PDLIM7: variants seen among roughly 807,000 people sequenced by gnomAD.
PDLIM7 encodes the protein PDZ and LIM domain protein 7.
In PDLIM7, 37 loss-of-function variants were observed where a neutral mutation model predicts 53.9. That is an observed-to-expected ratio of 0.69 (90% CI 0.53 to 0.90). PDLIM7 has a LOEUF of 0.90. PDLIM7 is among the 40% of genes least tolerant of loss of function. PDLIM7 has a pLI of 0.00. For synonymous variants in PDLIM7, 300 were observed against 261.3 expected (o/e 1.15, Z -1.43); for missense variants, 617 against 638.5 (o/e 0.97, Z 0.36).
rs546561495 is a variant in PDLIM7 at position 177,490,350 on chromosome 5, G to A, written c.573-518C>T. 1.0e-4 allele frequency: 151 copies of A among 1,452,130 alleles called. 1 individual carries two copies. The African/African-American group carries it at 1.7e-3, about 16-fold the overall frequency. The allele number at this position is 1,452,130 out of a possible 1,614,324, so 90.0% of individuals were successfully genotyped here. ...CAGTGTCAGATGAACCCAGGTGGGC[G>A]GCCAGGGCCAGGCCAGCAGGAGGCT... is the stretch of plus-strand genomic sequence containing the variant. On this transcript the variant is annotated intron_variant, in intron 7 of 12. Coordinates refer to ENST00000355841, the MANE Select transcript of PDLIM7 (RefSeq NM_005451.5).
chr5:177,491,060 C>T lies in PDLIM7; in HGVS notation c.485G>A (p.Gly162Asp). The change falls in exon 6 of 13, where the codon GGC (glycine) becomes GAC (aspartate). Residue 162 changes from glycine to aspartate, a missense_variant. Physicochemically the swap from Gly to Asp is moderately conservative, Grantham distance 94. Transcript: ENST00000355841. ...AAGGATGCGGAAGGAACGCGACTGG[C>T]CTGTCCCCGGCCGCGGCCGCCAGTC... The part of the protein sequence containing the change: ...TEDWRPRPGT[G>D]QSRSFRILAH... 1 of 1,611,492 alleles carries T rather than the reference C, an allele frequency of 6.2e-7. No homozygotes were observed. Among genetic ancestry groups the T allele is most frequent in the Non-Finnish European group, 8.5e-7 (1 of 1,179,054 alleles).
intron 7 of PDLIM7, chr5:177,490,390 GA>G: frequency 1.3e-6 from 2 of 1,483,164 alleles, no homozygotes; most frequent in East Asian, 4.9e-5. Flanking sequence ...CCAGGGGCAC[GA>G]AAGGGGGGGT....
rs776533799 is a variant in PDLIM7 at position 177,491,149 on chromosome 5, G to A, written c.399-3C>T. ...GGACCAGCGGTCGGAGCGGCTGTCT[G>A]TGGGGAGGGTGTGGCTCAGAACCCC... On this transcript the variant is annotated splice_polypyrimidine_tract_variant and splice_region_variant and intron_variant, in intron 5 of 12. Transcript: ENST00000355841. 21 of 1,602,812 alleles carry A rather than the reference G, an allele frequency of 1.3e-5. No individual in the cohort carries two copies. Among genetic ancestry groups the A allele is most frequent in the Middle Eastern group, 1.7e-4 (1 of 5,950 alleles).
At chr5:177,484,632 T>G (rs1554105547) in intron 10 of PDLIM7, among the ~76,000 whole-genome samples, 2 of 152,230 alleles carry the variant, frequency 1.3e-5, no homozygotes, top group Non-Finnish European at 2.9e-5. Context: ...TGGGACCACA[T>G]AACAACTGGC....
chr5:177,491,141 G>C lies in PDLIM7; in HGVS notation c.404C>G (p.Pro135Arg). 6.2e-7 allele frequency: 1 copy of C among 1,606,932 alleles called. No homozygotes were observed. The highest frequency in any genetic ancestry group is 8.5e-7 in the Non-Finnish European group (1 of 1,176,508). ...GGCATCTGGGACCAGCGGTCGGAGC[G>C]GCTGTCTGTGGGGAGGGTGTGGCTC... ...ADSAPQQNGQ[P>R]LRPLVPDASK... is the part of the protein sequence containing the mutation. The change falls in exon 6 of 13, where the codon CCG becomes CGG. Residue 135 changes from proline (P) to arginine (R), a missense_variant. Pro to Arg is a moderately radical substitution (Grantham distance 103, BLOSUM62 -2). Transcript: ENST00000355841.
rs546201291 is a variant in PDLIM7, at chr5:177,490,043, G to A, written c.573-211C>T. 2.0e-6 allele frequency: 3 copies of A among 1,532,878 alleles called. No homozygotes were observed. The South Asian group carries it at 3.6e-5, about 18-fold the overall frequency. The allele number at this position is 1,532,878 out of a possible 1,614,324, so 95.0% of individuals were successfully genotyped here. ...TGTGCGGTCTCTAGCTGGGAGACGA[G>A]GCAGGGCTCCCGCTTCTGAGGCAGC... is the stretch of plus-strand genomic sequence containing the variant. On this transcript the variant is annotated intron_variant, in intron 7 of 12. Transcript: ENST00000355841.
chr5:177,494,817 GACGTT>G (rs1383817633), intron 2 of PDLIM7, among the ~76,000 whole-genome samples: 1 of 152,130 alleles, frequency 6.6e-6, no homozygotes, highest in Non-Finnish European at 1.5e-5. Flanking sequence ...CCCAGTCCCA[GACGTT>G]ACCTCATCTC....
At chr5:177,495,167 G>C (rs767012138) in intron 2 of PDLIM7, 1 of 152,400 alleles carries the variant, frequency 6.6e-6, no homozygotes, top group Non-Finnish European at 1.5e-5. Flanking sequence ...TGAGGGCTAT[G>C]TAGTGGGACG....
At position 177,484,411 on chromosome 5, in the gene PDLIM7, C is replaced by T. The variant is rs376260009; in HGVS notation, c.1051-221G>A. ...CATGTCCAGCACTCAGTTCCTGATT[C>T]CCTCACCCCAAACCTCTCCTCCCAC... is the stretch of plus-strand genomic sequence containing the variant. On this transcript the variant is annotated intron_variant, in intron 10 of 12. Transcript: ENST00000355841. The T allele has an allele frequency of 2.5e-5, 14 of 555,790 alleles. No homozygotes were observed. In the East Asian group the frequency reaches 3.4e-4, roughly 14 times the overall value. The allele number at this position is 555,790 out of a possible 1,614,324, so 34.4% of individuals were successfully genotyped here. A position where few individuals can be genotyped will look rare whatever the true frequency, so the allele number is the denominator to read the frequency against.
chr5:177,490,987 CCCT>C lies in PDLIM7; in HGVS notation c.535+20_535+22del. ...CTGGGCTGGGGGCGAGGAAAGTACC[CCCT>C]GCCCTGGGCTGGCACTTACTGAACT... On this transcript the variant is annotated intron_variant, in intron 6 of 12. Transcript: ENST00000355841. The C allele has an allele frequency of 6.2e-7, 1 of 1,613,786 alleles. No homozygotes were observed. Among genetic ancestry groups the C allele is most frequent in the African/African-American group, 1.3e-5 (1 of 75,022 alleles).
chr5:177,490,130 GGT>G, intron 7 of PDLIM7: 1 of 1,499,810 alleles, frequency 6.7e-7, no homozygotes. Context: ...CCCTTTGCCA[GGT>G]ACCCCCTCCC....
intron 8 of PDLIM7, 24 bp downstream of exon 8, chr5:177,489,747 A>G: frequency 6.6e-7 from 1 of 1,513,984 alleles, no homozygotes; most frequent in Admixed American, 2.1e-5. Context: ...ACCCTTGCCC[A>G]GGCCCGAGCC....
rs1018946018 is a variant in PDLIM7 at position 177,491,944 on chromosome 5, G to A, written c.280-19C>T. Reference sequence around the variant, plus strand: ...CGGAGGCCTGGGCAGAGACACAGCCGGGCAGGGCGGGCGGGCAGGGTAAGG... The same window carrying A: ...CGGAGGCCTGGGCAGAGACACAGCCAGGCAGGGCGGGCGGGCAGGGTAAGG... On this transcript the variant is annotated intron_variant, in intron 4 of 12. Transcript: ENST00000355841. The A allele has an allele frequency of 1.0e-6, 1 of 966,642 alleles. No homozygotes were observed. Among genetic ancestry groups the A allele is most frequent in the East Asian group, 3.2e-5 (1 of 31,140 alleles). The allele number at this position is 966,642 out of a possible 1,614,324, so 59.9% of individuals were successfully genotyped here.
intron 1 of PDLIM7, among the ~76,000 whole-genome samples, chr5:177,497,147 G>A (rs893612398): frequency 6.6e-6 from 1 of 151,958 alleles, no homozygotes; most frequent in Non-Finnish European, 1.5e-5. Context: ...AGGCGGGAGT[G>A]GGGTGCGGCC....
intron 10 of PDLIM7, among the ~76,000 whole-genome samples, chr5:177,485,723 G>A (rs1412329948): frequency 6.6e-6 from 1 of 152,210 alleles, no homozygotes; most frequent in Non-Finnish European, 1.5e-5. Context: ...AGTGGCTCAC[G>A]TCTGTAATCC....
At position 177,491,127 on chromosome 5, in the gene PDLIM7, C is replaced by A; in HGVS notation, c.418G>T (p.Val140Phe). The change falls in exon 6 of 13, where the codon GTC becomes TTC. Residue 140 changes from valine to phenylalanine, a missense_variant. Coordinates refer to ENST00000355841, the MANE Select transcript of PDLIM7 (RefSeq NM_005451.5). ...AGCCGCTGCTTGCTGGCATCTGGGA[C>A]CAGCGGTCGGAGCGGCTGTCTGTGG... ...QQNGQPLRPL[V>F]PDASKQRLME... The A allele has an allele frequency of 6.2e-7, 1 of 1,611,494 alleles. No individual in the cohort carries two copies. Among genetic ancestry groups the A allele is most frequent in the South Asian group, 1.1e-5 (1 of 90,808 alleles).
intron 5 of PDLIM7, 36 bp downstream of exon 5, chr5:177,491,771 G>A (rs911414343): frequency 9.7e-7 from 1 of 1,031,498 alleles, no homozygotes. Context: ...CAGTGGGCCT[G>A]ATGGCGTGGG....
At chr5:177,491,784 C>A in intron 5 of PDLIM7, 23 bp downstream of exon 5, 1 of 1,136,524 alleles carries the variant, frequency 8.8e-7, no homozygotes, top group Admixed American at 4.2e-5. Flanking sequence ...GGCGTGGGCG[C>A]GGGCGGGCAG....
intron 10 of PDLIM7, 141 bp from the exon 11 acceptor site, chr5:177,484,331 T>C: frequency 1.0e-6 from 1 of 985,708 alleles, no homozygotes; most frequent in South Asian, 1.6e-5. Context: ...CTCCCACACC[T>C]CCATCTCCAA....
Sources: gnomAD v4.1 joint callset for allele counts (sites outside exome capture counted in the v4.1 genomes callset) on GRCh38, gnomAD v4.1.1 for gene constraint, MANE v1.5 for transcripts, NCBI Gene and HGNC (gene_info 2026-07-23, HGNC 2026-07-21) for gene names.